Variants in DCC observed in about 807,000 individuals in gnomAD.
DCC encodes netrin receptor DCC.
Under a neutral mutation model 172.5 loss-of-function variants are expected in DCC, and 58 were observed. The observed-to-expected ratio is 0.34, with a 90% CI of 0.27 to 0.42. The LOEUF is 0.42. Ranked by LOEUF, DCC falls within the 10% of genes least tolerant of loss-of-function variation. The pLI, the probability that DCC is intolerant of heterozygous loss-of-function variation, is 1.00. For missense variants in DCC, 1,740 were observed against 1,791.0 expected, an observed-to-expected ratio of 0.97 and a Z score of 0.51; for synonymous variants, 709 against 644.5, an observed-to-expected ratio of 1.10 and a Z score of -1.52.
chr18:52,870,119 G>A (rs150411041), intron 2 of DCC, among the ~76,000 whole-genome samples: 43 of 152,282 alleles, frequency 2.8e-4, no homozygotes, highest in African/African-American at 9.1e-4. Context: ...CTCGGGGGTG[G>A]GGCTCCCACT....
intron 1 of DCC, among the ~76,000 whole-genome samples, chr18:52,513,612 A>T (rs1013140904): frequency 1.3e-5 from 2 of 152,204 alleles, no homozygotes; most frequent in Admixed American, 1.3e-4. Flanking sequence ...TTTATAAATG[A>T]AGAAACTTAA....
chr18:52,711,258 A>G (rs2036287129), intron 1 of DCC, among the ~76,000 whole-genome samples: 1 of 151,800 alleles, frequency 6.6e-6, no homozygotes, highest in South Asian at 2.1e-4. Flanking sequence ...ATGGAATTTC[A>G]CTCTTGTTGC....
At position 53,301,354 on chromosome 18, in the gene DCC, G is replaced by T. The variant is rs879364800; in HGVS notation, c.1912-4224G>T. Among the ~76,000 whole-genome samples the T allele has an allele frequency of 1.1e-4, 16 of 151,984 alleles. 1 individual carries two copies. Among genetic ancestry groups the T allele is most frequent in the South Asian group, 4.2e-4 (2 of 4,808 alleles). ...TCCACCTGCCTCGGCCTCCCAAAGT[G>T]CTGGGATTACAGGTGTGAGCCACTG... On this transcript the variant is annotated intron_variant, in intron 12 of 28. Coordinates refer to ENST00000442544, the MANE Select transcript of DCC (RefSeq NM_005215.4).
At chr18:53,165,293 T>C (rs1025605626) in intron 8 of DCC, among the ~76,000 whole-genome samples, 5 of 152,152 alleles carry the variant, frequency 3.3e-5, no homozygotes, top group African/African-American at 7.2e-5. Flanking sequence ...TTATGCTGCC[T>C]CAGAAAACCT....
intron 1 of DCC, among the ~76,000 whole-genome samples, chr18:52,382,340 T>G (rs1434664088): frequency 6.6e-6 from 1 of 152,118 alleles, no homozygotes; most frequent in African/African-American, 2.4e-5. Flanking sequence ...AAACAAAAGT[T>G]TTATAAAGCT....
chr18:53,377,498 A>C (rs1466295188), intron 15 of DCC, among the ~76,000 whole-genome samples: 1 of 152,122 alleles, frequency 6.6e-6, no homozygotes, highest in Non-Finnish European at 1.5e-5. Context: ...CCTTGTGACC[A>C]ATCACCTCTT....
chr18:52,476,399 G>A (rs1318613931), intron 1 of DCC, among the ~76,000 whole-genome samples: 2 of 152,094 alleles, frequency 1.3e-5, no homozygotes, highest in Non-Finnish European at 2.9e-5. Context: ...TTAATTAAAC[G>A]GATGTGAAAT....
intron 21 of DCC, among the ~76,000 whole-genome samples, chr18:53,433,754 G>GATTA (rs899183999): frequency 5.8e-4 from 88 of 152,170 alleles, no homozygotes; most frequent in African/African-American, 2.0e-3. Flanking sequence ...CATTTTGATT[G>GATTA]TTCCTCTCAC....
At chr18:53,140,600 T>C (rs569003084) in intron 7 of DCC, among the ~76,000 whole-genome samples, 2 of 152,298 alleles carry the variant, frequency 1.3e-5, no homozygotes, top group Non-Finnish European at 2.9e-5. Flanking sequence ...ATTTTTTCAC[T>C]GTAGGTCATT....
At chr18:53,397,689 A>G (rs1909041465) in intron 18 of DCC, among the ~76,000 whole-genome samples, 1 of 152,206 alleles carries the variant, frequency 6.6e-6, no homozygotes, top group African/African-American at 2.4e-5. Context: ...TCAGGGTGTT[A>G]ACTCAGGGGA....
In DCC at chr18:53,086,017, TCCC is replaced by T. The variant is rs1309168248; in HGVS notation, c.1261+19852_1261+19854del. Among the ~76,000 whole-genome samples, 24 of 1,266 alleles carry T rather than the reference TCCC, an allele frequency of 0.019. 6 individuals carry two copies. In the African/African-American group the frequency reaches 0.2, roughly 10 times the overall value. 0.8% of individuals were successfully genotyped at this position (1,266 alleles called of 152,430 possible). A position where few individuals can be genotyped will look rare whatever the true frequency, so the allele number is the denominator to read the frequency against. On this transcript the variant is annotated intron_variant, in intron 7 of 28. Transcript: ENST00000442544. Reference sequence around the variant, plus strand: ...CTTCTCCTTCTTCTCCTTCTCCTTCTCCCTCTCCCTCTCCCTCTCCCTCTCCCT... The same window carrying T: ...CTTCTCCTTCTTCTCCTTCTCCTTCTTCTCCCTCTCCCTCTCCCTCTCCCT...
At position 53,023,366 on chromosome 18, in the gene DCC, A is replaced by G. The variant is rs1291563057; in HGVS notation, c.986-39939A>G. On this transcript the variant is annotated intron_variant, in intron 5 of 28. Transcript: ENST00000442544. ...AAAAAACATAAAAAAAATAAAAATA[A>G]AAATAAAAAGGACAAACACATATAT... Among the ~76,000 whole-genome samples the G allele has an allele frequency of 2.0e-5, 3 of 149,596 alleles. No individual in the cohort carries two copies. In the Admixed American group the frequency reaches 2.0e-4, roughly 10 times the overall value.
At chr18:53,217,175 A>G (rs1456620931) in intron 12 of DCC, among the ~76,000 whole-genome samples, 1 of 151,840 alleles carries the variant, frequency 6.6e-6, no homozygotes, top group African/African-American at 2.4e-5. Flanking sequence ...GCATTACTGA[A>G]TGACCCTGGA....
At chr18:53,520,862 CTT>C (rs1269656181) in intron 27 of DCC, among the ~76,000 whole-genome samples, 4 of 152,162 alleles carry the variant, frequency 2.6e-5, no homozygotes, top group African/African-American at 9.6e-5. Flanking sequence ...CCCTCATACT[CTT>C]TCCTTTAATT....
chr18:53,093,652 C>G (rs1439256501), intron 7 of DCC, among the ~76,000 whole-genome samples: 2 of 152,182 alleles, frequency 1.3e-5, no homozygotes, highest in Admixed American at 6.5e-5. Flanking sequence ...AATTTATCTT[C>G]TCATCAATAG....
chr18:52,516,598 G>T (rs930959577), intron 1 of DCC, among the ~76,000 whole-genome samples: 5 of 152,104 alleles, frequency 3.3e-5, no homozygotes, highest in Non-Finnish European at 7.4e-5. Context: ...AAATGAAAAA[G>T]ATAAGATAAA....
intron 3 of DCC, among the ~76,000 whole-genome samples, chr18:52,922,883 T>C (rs367975541): frequency 6.6e-6 from 1 of 152,286 alleles, no homozygotes; most frequent in East Asian, 1.9e-4. Context: ...TTTTTGCTTA[T>C]TCCACCTGAT....
chr18:53,267,457 G>T (rs559132799), intron 12 of DCC, among the ~76,000 whole-genome samples: 1 of 152,130 alleles, frequency 6.6e-6, no homozygotes, highest in Admixed American at 6.5e-5. Flanking sequence ...AAAGTGCTGA[G>T]ATTACAGGCA....
At chr18:52,828,845 A>T (rs529138671) in intron 2 of DCC, among the ~76,000 whole-genome samples, 1 of 152,220 alleles carries the variant, frequency 6.6e-6, no homozygotes, top group East Asian at 1.9e-4. Context: ...AAGGTACAAG[A>T]GATGTGTAAA....
Sources: allele counts gnomAD v4.1 joint callset (sites outside exome capture counted in the v4.1 genomes callset), GRCh38; gene constraint gnomAD v4.1.1; transcripts MANE v1.5; gene names NCBI Gene and HGNC (gene_info 2026-07-23, HGNC 2026-07-21).